The following TRIM35 variants were observed in gnomAD, a reference collection of about 807,000 sequenced individuals.
The protein encoded by TRIM35 is E3 ubiquitin-protein ligase TRIM35.
Under a neutral mutation model 49.1 loss-of-function variants are expected in TRIM35, and 37 were observed. That is an observed-to-expected ratio of 0.75 (90% confidence interval 0.58 to 0.99). The LOEUF (loss-of-function observed/expected upper bound fraction) is 0.99. TRIM35 is among the 50% of genes least tolerant of loss of function. The pLI is 0.00. For missense variants in TRIM35, 648 were observed against 702.7 expected (o/e 0.92, Z 0.88); for synonymous variants, 302 against 289.3 (o/e 1.04, Z -0.45).
intron 1 of TRIM35, among the ~76,000 whole-genome samples, chr8:27,309,965 C>T: frequency 6.8e-6 from 1 of 146,556 alleles, no homozygotes; most frequent in Non-Finnish European, 1.5e-5. Flanking sequence ...GCACTCTAAC[C>T]TGGGCGATAG....
At chr8:27,292,147 T>C (rs1288540071) in intron 3 of TRIM35, among the ~76,000 whole-genome samples, 2 of 152,262 alleles carry the variant, frequency 1.3e-5, no homozygotes, top group Non-Finnish European at 2.9e-5. Context: ...TATATGACTA[T>C]GGTATGGTCC....
chr8:27,302,677 G>C (rs1200882785), intron 1 of TRIM35, among the ~76,000 whole-genome samples: 1 of 152,118 alleles, frequency 6.6e-6, no homozygotes, highest in Non-Finnish European at 1.5e-5. Context: ...CAAAGTGCTG[G>C]GATTACAGGT....
At chr8:27,296,830 T>C (rs1010503470) in intron 2 of TRIM35, among the ~76,000 whole-genome samples, 9 of 152,216 alleles carry the variant, frequency 5.9e-5, no homozygotes, top group African/African-American at 2.2e-4. Flanking sequence ...GGCTCTGACA[T>C]CGGATGACAA....
At chr8:27,295,184 T>G (rs554690688) in intron 2 of TRIM35, among the ~76,000 whole-genome samples, 1 of 152,200 alleles carries the variant, frequency 6.6e-6, no homozygotes, top group South Asian at 2.1e-4. Context: ...AAAAAGCAAA[T>G]AAATATTTCT....
intron 3 of TRIM35, among the ~76,000 whole-genome samples, chr8:27,291,984 C>T (rs922537509): frequency 3.3e-5 from 5 of 152,206 alleles, no homozygotes; most frequent in African/African-American, 1.2e-4. Flanking sequence ...TAGGCTCCAC[C>T]ACCCAACACT....
rs1312189396 is a variant in TRIM35, at chr8:27,310,918, T to C, written c.318A>G (p.Gly106=). The change falls in exon 1 of 6, where the codon GGA becomes GGG. Residue 106 remains glycine, a synonymous_variant. Coordinates refer to ENST00000305364, the MANE Select transcript of TRIM35 (RefSeq NM_171982.5). ...RFSRVCRLHR[G]QLSLFCLEDK... ...CCTCGAGGCAGAAGAGGCTGAGCTG[T>C]CCGCGGTGCAGGCGGCAGACACGCG... 3.1e-6 allele frequency: 5 copies of C among 1,612,696 alleles called. No homozygotes were observed. The highest frequency in any genetic ancestry group is 4.5e-5 in the East Asian group (2 of 44,864).
chr8:27,291,986 C>A (rs1417188781), intron 3 of TRIM35, among the ~76,000 whole-genome samples: 2 of 152,174 alleles, frequency 1.3e-5, no homozygotes, highest in African/African-American at 2.4e-5. Flanking sequence ...GGCTCCACCA[C>A]CCAACACTGT....
At chr8:27,290,643 C>T (rs888846847) in intron 3 of TRIM35, among the ~76,000 whole-genome samples, 3 of 152,134 alleles carry the variant, frequency 2.0e-5, no homozygotes, top group African/African-American at 7.2e-5. Flanking sequence ...TATAATTTAC[C>T]CAGTCTGTGA....
chr8:27,287,984 C>T lies in TRIM35; in HGVS notation c.1048G>A (p.Val350Ile). 6.2e-7 allele frequency: 1 copy of T among 1,613,532 alleles called. No individual in the cohort carries two copies. The highest frequency in any genetic ancestry group is 8.5e-7 in the Non-Finnish European group (1 of 1,179,980). The change falls in exon 6 of 6, where the codon GTC (valine) becomes ATC (isoleucine). Residue 350 changes from valine to isoleucine, a missense_variant. Coordinates refer to ENST00000305364, the MANE Select transcript of TRIM35 (RefSeq NM_171982.5). The surrounding 1 kb of genome is among the most constrained non-coding windows in gnomAD (Gnocchi z 6.0). Reference protein sequence around the residue: ...SSAPCLLGSRVFSQGSHAWEV... With the variant: ...SSAPCLLGSRIFSQGSHAWEV... ...CAGGCGTGCGAGCCCTGTGAGAAGACACGGGAGCCCAGCAGGCAGGGCGCC... is the reference window on the plus strand; with the variant it reads ...CAGGCGTGCGAGCCCTGTGAGAAGATACGGGAGCCCAGCAGGCAGGGCGCC...
chr8:27,310,924 G>T lies in TRIM35; in HGVS notation c.312C>A (p.His104Gln), dbSNP rs573527374. 1 of 1,612,670 alleles carries T rather than the reference G, an allele frequency of 6.2e-7. No individual in the cohort carries two copies. Among genetic ancestry groups the T allele is most frequent in the African/African-American group, 1.3e-5 (1 of 75,058 alleles). Residue 104 changes from histidine to glutamine, a missense_variant, in exon 1 of 6, where the codon CAC (histidine) becomes CAA (glutamine). By Grantham distance (24) the His-to-Gln change is conservative (BLOSUM62 0). Transcript: ENST00000305364. ...SYRFSRVCRL[H>Q]RGQLSLFCLE... is the part of the protein sequence containing the mutation. The stretch of plus-strand genomic sequence containing the variant: ...GGCAGAAGAGGCTGAGCTGTCCGCG[G>T]TGCAGGCGGCAGACACGCGAGAAGC...
In TRIM35 at chr8:27,290,215, C is replaced by G. The variant is rs746730293; in HGVS notation, c.763-37G>C. 32 of 1,604,766 alleles carry G rather than the reference C, an allele frequency of 2.0e-5. 1 individual carries two copies. The South Asian group carries it at 3.5e-4, about 18-fold the overall frequency. On this transcript the variant is annotated intron_variant, in intron 3 of 5. Coordinates refer to ENST00000305364, the MANE Select transcript of TRIM35 (RefSeq NM_171982.5). The stretch of plus-strand genomic sequence containing the variant: ...AAAATAAAAAAATAACACAGAGACA[C>G]AGATGTAGAGGAAATGTATATGTTT...
chr8:27,304,160 C>G (rs1267821514), intron 1 of TRIM35, among the ~76,000 whole-genome samples: 1 of 152,206 alleles, frequency 6.6e-6, no homozygotes, highest in African/African-American at 2.4e-5. Flanking sequence ...TACAAAATCA[C>G]GTTACCCACA....
chr8:27,299,088 C>T (rs945838487), intron 1 of TRIM35, among the ~76,000 whole-genome samples: 1 of 152,190 alleles, frequency 6.6e-6, no homozygotes, highest in African/African-American at 2.4e-5. Context: ...GCCCAACATG[C>T]CCCTCCATAC....
chr8:27,306,183 C>A (rs17056985), intron 1 of TRIM35, among the ~76,000 whole-genome samples: 1 of 152,088 alleles, frequency 6.6e-6, no homozygotes, highest in Non-Finnish European at 1.5e-5. Context: ...GAATGACGCA[C>A]GGTCTGTGTC....
Position 27,310,840 on chromosome 8 carries a change from G to C in TRIM35, c.396C>G (p.His132Gln), listed in dbSNP as rs1017223895. The change falls in exon 1 of 6, where the codon CAC becomes CAG. Residue 132 changes from histidine to glutamine, a missense_variant. Physicochemically the swap from His to Gln is conservative, Grantham distance 24 (BLOSUM62 0). Transcript: ENST00000305364. ...CAGTGTCCTTCACCGGCTGCACGCG[G>C]TGCCCCTGGTGTCGGGGGTCGGCCT... ...SCQADPRHQG[H>Q]RVQPVKDTAH... 1 of 1,608,496 alleles carries C rather than the reference G, an allele frequency of 6.2e-7. No homozygotes were observed. Among genetic ancestry groups the C allele is most frequent in the Non-Finnish European group, 8.5e-7 (1 of 1,176,340 alleles).
intron 1 of TRIM35, among the ~76,000 whole-genome samples, chr8:27,298,878 GT>G (rs1402422261): frequency 1.3e-5 from 2 of 152,194 alleles, no homozygotes; most frequent in Non-Finnish European, 2.9e-5. Context: ...AGTGTCCCAT[GT>G]GGGCCAAAAG....
At position 27,299,598 on chromosome 8, in the gene TRIM35, G is replaced by A. The variant is rs181397956; in HGVS notation, c.436-1039C>T. ...CTGGACAGCTATGGAGGCAGCTGCT[G>A]AGACAGCACCCAGTGATCCCTCCCT... On this transcript the variant is annotated intron_variant, in intron 1 of 5. Transcript: ENST00000305364. Among the ~76,000 whole-genome samples the A allele has an allele frequency of 7.2e-4, 110 of 152,328 alleles. 1 individual carries two copies. The highest frequency in any genetic ancestry group is 1.4e-3 in the Admixed American group (21 of 15,300).
chr8:27,297,019 G>A (rs1392201245), intron 2 of TRIM35, among the ~76,000 whole-genome samples: 2 of 152,200 alleles, frequency 1.3e-5, no homozygotes, highest in African/African-American at 4.8e-5. Flanking sequence ...GGATTAGCTT[G>A]GAGGGGGTTG....
At chr8:27,290,058 A>G (rs1420082427) in intron 4 of TRIM35, 98 bp downstream of exon 4, 8 of 1,404,204 alleles carry the variant, frequency 5.7e-6, no homozygotes, top group Non-Finnish European at 8.0e-6. Context: ...TGGTGCACCC[A>G]GCTGGTTGTT....
Sources: gnomAD v4.1 joint callset for allele counts (sites outside exome capture counted in the v4.1 genomes callset) on GRCh38, gnomAD v4.1.1 for gene constraint, Gnocchi (gnomAD v3.1) non-coding constraint, MANE v1.5 for transcripts, NCBI Gene and HGNC (gene_info 2026-07-23, HGNC 2026-07-21) for gene names.